Variants in AUH observed in about 807,000 individuals in gnomAD.
The protein encoded by AUH is methylglutaconyl-CoA hydratase, mitochondrial.
Under a neutral mutation model 42.3 loss-of-function variants are expected in AUH, and 29 were observed. The ratio of observed to expected loss-of-function variants is 0.69; its 90% CI spans 0.51 to 0.93. The LOEUF (loss-of-function observed/expected upper bound fraction) is 0.93. Among genes scored for constraint, AUH ranks in the 40% least tolerant of loss-of-function variants. AUH has a pLI of 0.00. For synonymous variants in AUH, 174 were observed against 166.4 expected (o/e 1.05, Z -0.35); for missense variants, 452 against 438.1 (o/e 1.03, Z -0.28).
chr9:91,249,122 C>A (rs1280208637), intron 6 of AUH, among the ~76,000 whole-genome samples: 1 of 151,630 alleles, frequency 6.6e-6, no homozygotes, highest in Non-Finnish European at 1.5e-5. Flanking sequence ...CATGGCACAA[C>A]CCTGTCTCCA....
rs533610819 is a variant in AUH, at chr9:91,215,142, A to G, written c.943-717T>C. On this transcript the variant is annotated intron_variant, in intron 9 of 9. Transcript: ENST00000375731. Reference sequence around the variant, plus strand: ...TCATGCAGTTTCCAACTCCCAGGAAAGGTAGAACAAAACTTTTTTGCTATT... The same window carrying G: ...TCATGCAGTTTCCAACTCCCAGGAAGGGTAGAACAAAACTTTTTTGCTATT... Among the ~76,000 whole-genome samples the G allele has an allele frequency of 2.6e-5, 4 of 152,346 alleles. No homozygotes were observed. The South Asian group carries it at 6.2e-4, about 24-fold the overall frequency.
chr9:91,304,088 C>T (rs937886943), intron 4 of AUH, among the ~76,000 whole-genome samples: 1 of 152,116 alleles, frequency 6.6e-6, no homozygotes, highest in East Asian at 1.9e-4. Context: ...TATGACACTT[C>T]GATTCTAGCA....
chr9:91,236,352 A>G (rs1009282864), intron 6 of AUH, among the ~76,000 whole-genome samples: 1 of 152,220 alleles, frequency 6.6e-6, no homozygotes, highest in African/African-American at 2.4e-5. Context: ...ATTACTGAGC[A>G]GATACTACAT....
At chr9:91,310,347 G>A (rs574866148) in intron 4 of AUH, among the ~76,000 whole-genome samples, 2 of 152,320 alleles carry the variant, frequency 1.3e-5, no homozygotes, top group African/African-American at 4.8e-5. Flanking sequence ...TCAGCCTGAA[G>A]ATAAGATGAA....
intron 4 of AUH, among the ~76,000 whole-genome samples, chr9:91,324,960 T>C (rs1829867352): frequency 6.6e-6 from 1 of 152,010 alleles, no homozygotes. Context: ...TGATAGTTAC[T>C]GTAAGTCTTA....
intron 4 of AUH, among the ~76,000 whole-genome samples, chr9:91,302,285 T>C (rs1394457403): frequency 1.3e-5 from 2 of 151,966 alleles, no homozygotes; most frequent in Non-Finnish European, 2.9e-5. Flanking sequence ...CTGGCCAACA[T>C]GGTGAAACCC....
At chr9:91,251,863 C>CT (rs1266050602) in intron 6 of AUH, among the ~76,000 whole-genome samples, 1 of 152,204 alleles carries the variant, frequency 6.6e-6, no homozygotes, top group Admixed American at 6.5e-5. Flanking sequence ...CAAAGGCCTC[C>CT]TTACTGTTAA....
At chr9:91,296,349 T>A (rs537954780) in intron 5 of AUH, among the ~76,000 whole-genome samples, 1 of 152,150 alleles carries the variant, frequency 6.6e-6, no homozygotes, top group African/African-American at 2.4e-5. Flanking sequence ...ACTCCATTAT[T>A]AGACCCAATA....
At chr9:91,355,551 C>CAA (rs879726755) in intron 3 of AUH, among the ~76,000 whole-genome samples, 1 of 133,006 alleles carries the variant, frequency 7.5e-6, no homozygotes, top group African/African-American at 2.8e-5. Flanking sequence ...GACTCTATCT[C>CAA]AAAAAAAAAA....
intron 4 of AUH, among the ~76,000 whole-genome samples, chr9:91,307,780 A>G (rs1351425208): frequency 6.6e-6 from 1 of 152,214 alleles, no homozygotes; most frequent in Non-Finnish European, 1.5e-5. Context: ...CAGTATATAC[A>G]GGGTTTGGTA....
intron 4 of AUH, among the ~76,000 whole-genome samples, chr9:91,307,733 T>A (rs995333178): frequency 6.6e-6 from 1 of 152,200 alleles, no homozygotes; most frequent in Non-Finnish European, 1.5e-5. Context: ...AATTTACAAA[T>A]TAAACTTCAT....
At position 91,245,212 on chromosome 9, in the gene AUH, G is replaced by C. The variant is rs941778129; in HGVS notation, c.656-24220C>G. ...GTGTGGGCCCAGCAGGTGGGAACTG[G>C]AACCACGGCCCACCCCAGGAGCCCC... On this transcript the variant is annotated intron_variant, in intron 6 of 9. Coordinates refer to ENST00000375731, the MANE Select transcript of AUH (RefSeq NM_001698.3). Among the ~76,000 whole-genome samples, 13 of 152,138 alleles carry C rather than the reference G, an allele frequency of 8.5e-5. 1 individual carries two copies. The highest frequency in any genetic ancestry group is 3.1e-4 in the African/African-American group (13 of 41,430).
At chr9:91,346,875 A>AAAC (rs1554719756) in intron 3 of AUH, among the ~76,000 whole-genome samples, 10 of 152,096 alleles carry the variant, frequency 6.6e-5, no homozygotes, top group African/African-American at 2.2e-4. Context: ...AAAAAAAAAA[A>AAAC]ACACTTTATT....
At position 91,221,004 on chromosome 9, in the gene AUH, AAG is replaced by A. The variant is rs745577824; in HGVS notation, c.656-14_656-13del. On this transcript the variant is annotated splice_polypyrimidine_tract_variant and intron_variant, in intron 6 of 9. Transcript: ENST00000375731. ...TCGCTGTGTCCCCCCTGAGGGGTGA[AAG>A]AGAGAGAAAAGGCAATGATTTGACA... is the stretch of plus-strand genomic sequence containing the variant. The A allele has an allele frequency of 9.3e-6, 15 of 1,613,928 alleles. No individual in the cohort carries two copies. In the South Asian group the frequency reaches 1.3e-4, roughly 14 times the overall value.
intron 6 of AUH, among the ~76,000 whole-genome samples, chr9:91,276,839 A>G (rs1318849286): frequency 1.3e-5 from 2 of 152,214 alleles, no homozygotes; most frequent in Non-Finnish European, 2.9e-5. Flanking sequence ...TTTATAAAAT[A>G]TGTTTGCCAT....
chr9:91,338,185 C>T (rs1236797938), intron 3 of AUH, among the ~76,000 whole-genome samples: 1 of 152,176 alleles, frequency 6.6e-6, no homozygotes, highest in Non-Finnish European at 1.5e-5. Flanking sequence ...AGTGAAGTGT[C>T]CTTTCACTAA....
intron 4 of AUH, among the ~76,000 whole-genome samples, chr9:91,321,890 T>C (rs1473853790): frequency 6.6e-6 from 1 of 152,178 alleles, no homozygotes; most frequent in East Asian, 1.9e-4. Flanking sequence ...GTCAGAGTTG[T>C]ATAGCTGCAA....
rs7019926 is a variant in AUH at position 91,355,824 on chromosome 9, T to C, written c.418+59A>G. The C allele has an allele frequency of 0.2, 293,968 of 1,446,796 alleles. 32,419 individuals carry two copies. The highest frequency in any genetic ancestry group is 0.4 in the East Asian group (17,589 of 43,856). The allele number at this position is 1,446,796 out of a possible 1,614,324, so 89.6% of individuals were successfully genotyped here. A position where few individuals can be genotyped will look rare whatever the true frequency, so the allele number is the denominator to read the frequency against. ...AAAGAACATTCTAATGGAAAACAGA[T>C]TACTATTGAGGAAAAATCAGACTAC... On this transcript the variant is annotated intron_variant, in intron 3 of 9. Transcript: ENST00000375731.
At chr9:91,230,323 C>A (rs1446003334) in intron 6 of AUH, among the ~76,000 whole-genome samples, 1 of 152,166 alleles carries the variant, frequency 6.6e-6, no homozygotes, top group African/African-American at 2.4e-5. Flanking sequence ...ATTGCTGATA[C>A]CTTTTCTTCC....
Sources: gnomAD v4.1 joint callset for allele counts (sites outside exome capture counted in the v4.1 genomes callset) on GRCh38, gnomAD v4.1.1 for gene constraint, MANE v1.5 for transcripts, NCBI Gene and HGNC (gene_info 2026-07-23, HGNC 2026-07-21) for gene names.